The following ANKS3 variants were observed in gnomAD, a reference collection of about 807,000 sequenced individuals.
The protein encoded by ANKS3 is ankyrin repeat and SAM domain-containing protein 3.
ANKS3 carries 62 observed loss-of-function variants against 80.7 expected under a neutral mutation model. That is an observed-to-expected ratio of 0.77 (90% CI 0.63 to 0.95). The LOEUF is 0.95. ANKS3 is among the 40% of genes least tolerant of loss of function. The pLI, the probability that ANKS3 is intolerant of heterozygous loss-of-function variation, is 0.00. For synonymous variants in ANKS3, 489 were observed against 355.3 expected (o/e 1.38, Z -4.23); for missense variants, 1,150 against 883.6 (o/e 1.30, Z -3.82).
intron 3 of ANKS3, among the ~76,000 whole-genome samples, chr16:4,728,629 C>T (rs1000723150): frequency 6.6e-6 from 1 of 152,132 alleles, no homozygotes; most frequent in African/African-American, 2.4e-5. Context: ...CCCCCAGCTC[C>T]CCTCAGGCCC....
chr16:4,708,633 A>C (rs1458350128), intron 7 of ANKS3, among the ~76,000 whole-genome samples: 1 of 152,174 alleles, frequency 6.6e-6, no homozygotes, highest in Non-Finnish European at 1.5e-5. Context: ...CTAGTATTTA[A>C]CTTAAGAAAA....
chr16:4,726,622 A>G, intron 5 of ANKS3, 37 bp downstream of exon 5: 3 of 1,599,654 alleles, frequency 1.9e-6, no homozygotes, highest in Non-Finnish European at 2.6e-6. Flanking sequence ...GATGACACCT[A>G]GGCCACTCCT....
In ANKS3 at chr16:4,702,158, A is replaced by G. The variant is rs962500548; in HGVS notation, c.953T>C (p.Val318Ala). The G allele has an allele frequency of 6.3e-7, 1 of 1,594,340 alleles. No individual in the cohort carries two copies. Among genetic ancestry groups the G allele is most frequent in the Admixed American group, 1.8e-5 (1 of 56,766 alleles). ...LEEEGLCCRDVTSPINERDVE... is the reference protein window; with the variant it reads ...LEEEGLCCRDATSPINERDVE... ...ATCCCGCTCATTGATGGGGGAGGTGACATCCCGGCAGCAGAGGCCCTCTTC... is the reference window on the plus strand; with the variant it reads ...ATCCCGCTCATTGATGGGGGAGGTGGCATCCCGGCAGCAGAGGCCCTCTTC... Residue 318 changes from valine to alanine, a missense_variant, in exon 9 of 18, where the codon GTC becomes GCC. By Grantham distance (64) the Val-to-Ala change is moderately conservative. Coordinates refer to ENST00000304283, the MANE Select transcript of ANKS3 (RefSeq NM_133450.4).
At position 4,725,045 on chromosome 16, in the gene ANKS3, T is replaced by C. The variant is rs2081285964; in HGVS notation, c.492-214A>G. 2.3e-5 allele frequency: 10 copies of C among 432,048 alleles called. No individual in the cohort carries two copies. In the South Asian group the frequency reaches 2.7e-4, roughly 12 times the overall value. The allele number at this position is 432,048 out of a possible 1,614,324, so 26.8% of individuals were successfully genotyped here. ...TGGTGTCTGTCCCCAGGGCTGGTCT[T>C]TGTCCTAAAGACAGATGTCTGCCTG... On this transcript the variant is annotated intron_variant, in intron 5 of 17. Coordinates refer to ENST00000304283, the MANE Select transcript of ANKS3 (RefSeq NM_133450.4).
In ANKS3 at chr16:4,696,694, AGGCCCTCGTCCCGCCTCAGTGCT is replaced by A. The variant is rs2079570249; in HGVS notation, c.*191_*213del. 2.5e-6 allele frequency: 1 copy of A among 407,470 alleles called. No individual in the cohort carries two copies. Among genetic ancestry groups the A allele is most frequent in the African/African-American group, 2.0e-5 (1 of 49,040 alleles). The allele number at this position is 407,470 out of a possible 1,614,324, so 25.2% of individuals were successfully genotyped here. On this transcript the variant is annotated 3_prime_UTR_variant, in exon 18 of 18. Transcript: ENST00000304283. ...GGGCCTCACCACGAGGTTCTGGGTG[AGGCCCTCGTCCCGCCTCAGTGCT>A]GGCCCGAGCTGCCGAGCCAGGGCCG... is the stretch of plus-strand genomic sequence containing the variant.
At chr16:4,712,534 T>C (rs2080551440) in intron 7 of ANKS3, among the ~76,000 whole-genome samples, 1 of 152,142 alleles carries the variant, frequency 6.6e-6, no homozygotes, top group Admixed American at 6.6e-5. Flanking sequence ...GGTTGATTCA[T>C]TATTAGGAGG....
At chr16:4,726,548 G>C (rs138846444) in intron 5 of ANKS3, 111 bp downstream of exon 5, 3 of 1,177,726 alleles carry the variant, frequency 2.5e-6, no homozygotes, top group African/African-American at 3.0e-5. Context: ...TGAGCCTCTC[G>C]TGCCGAAGCA....
At chr16:4,724,282 G>T (rs2081248166) in intron 6 of ANKS3, among the ~76,000 whole-genome samples, 4 of 152,170 alleles carry the variant, frequency 2.6e-5, no homozygotes, top group Admixed American at 1.3e-4. Flanking sequence ...CTAAGTTACA[G>T]ACTATACGTA....
At chr16:4,704,960 G>T in intron 8 of ANKS3, 135 bp downstream of exon 8, 1 of 1,165,810 alleles carries the variant, frequency 8.6e-7, no homozygotes, top group Non-Finnish European at 1.2e-6. Flanking sequence ...GAGCATGAAA[G>T]CTGGGCCACC....
In ANKS3 at chr16:4,697,566, G is replaced by T. The variant is rs1278518055; in HGVS notation, c.1811-150C>A. On this transcript the variant is annotated intron_variant, in intron 15 of 17. Coordinates refer to ENST00000304283, the MANE Select transcript of ANKS3 (RefSeq NM_133450.4). ...GTCTAAGCAACCTCCCAAGGCCGAG[G>T]CAGGGAAGCCCTGTTGTGCCCTTCC... 3 of 651,866 alleles carry T rather than the reference G, an allele frequency of 4.6e-6. No individual in the cohort carries two copies. In the East Asian group the frequency reaches 8.7e-5, roughly 19 times the overall value. 40.4% of individuals were successfully genotyped at this position (651,866 alleles called of 1,614,324 possible).
At chr16:4,701,268 T>C in intron 10 of ANKS3, 134 bp from the exon 11 acceptor site, 1 of 1,446,846 alleles carries the variant, frequency 6.9e-7, no homozygotes, top group South Asian at 1.3e-5. Context: ...TTCCGGTGCG[T>C]TCGCTGTCGT....
intron 6 of ANKS3, among the ~76,000 whole-genome samples, chr16:4,721,464 G>A (rs2081089134): frequency 6.7e-6 from 1 of 148,884 alleles, no homozygotes; most frequent in Non-Finnish European, 1.5e-5. Flanking sequence ...TACAAAAATT[G>A]GCTGGGCGTG....
At chr16:4,698,665 G>A (rs2079723954) in intron 13 of ANKS3, 66 bp from the exon 14 acceptor site, 4 of 1,528,842 alleles carry the variant, frequency 2.6e-6, no homozygotes, top group Admixed American at 3.8e-5. Context: ...CTTGGCCACG[G>A]CCCTGTCCTG....
intron 7 of ANKS3, among the ~76,000 whole-genome samples, chr16:4,705,475 T>C (rs2080134193): frequency 6.6e-6 from 1 of 152,206 alleles, no homozygotes; most frequent in Admixed American, 6.5e-5. Flanking sequence ...GTTTCATTTT[T>C]CTTGAGACAG....
In ANKS3 at chr16:4,700,976, T is replaced by A; in HGVS notation, c.1278A>T (p.Gly426=). The change falls in exon 11 of 18, where the codon GGA becomes GGT. Residue 426 remains glycine, a synonymous_variant. Transcript: ENST00000304283. The stretch of plus-strand genomic sequence containing the variant: ...GTTTCACAAGCGGTCTTACCTGGGG[T>A]CCTGAGTAGGGGGCCCTCTGAGTCT... ...SPQTQRAPYS[G]PQDLAALLEQ... The A allele has an allele frequency of 6.2e-7, 1 of 1,613,932 alleles. No individual in the cohort carries two copies. The highest frequency in any genetic ancestry group is 8.5e-7 in the Non-Finnish European group (1 of 1,179,986).
intron 4 of ANKS3, 39 bp downstream of exon 4, chr16:4,726,940 C>A (rs1266938638): frequency 6.2e-7 from 1 of 1,612,280 alleles, no homozygotes. Context: ...GGCCACGGAG[C>A]CCCTCAGGTT....
intron 6 of ANKS3, among the ~76,000 whole-genome samples, chr16:4,721,546 G>T (rs962879375): frequency 6.6e-6 from 1 of 151,434 alleles, no homozygotes; most frequent in African/African-American, 2.4e-5. Flanking sequence ...AGGAGGTCAA[G>T]GCTGCAGTGA....
intron 7 of ANKS3, among the ~76,000 whole-genome samples, chr16:4,705,882 A>G (rs746564206): frequency 1.3e-5 from 2 of 152,156 alleles, no homozygotes; most frequent in East Asian, 3.9e-4. Flanking sequence ...ATATGGTAAT[A>G]TAAGTCACAA....
intron 5 of ANKS3, 107 bp downstream of exon 5, chr16:4,726,538 TGAGCCTCTCGTGCC>T: frequency 9.5e-7 from 1 of 1,053,858 alleles, no homozygotes; most frequent in Non-Finnish European, 1.4e-6. Context: ...CCCCTCATCT[TGAGCCTCTCGTGCC>T]GAAGCAGGGT....
Sources: gnomAD v4.1 joint callset for allele counts (sites outside exome capture counted in the v4.1 genomes callset) on GRCh38, gnomAD v4.1.1 for gene constraint, MANE v1.5 for transcripts, NCBI Gene and HGNC (gene_info 2026-07-23, HGNC 2026-07-21) for gene names.